MB21D2: variants seen among roughly 807,000 people sequenced by gnomAD.
The protein encoded by MB21D2 is nucleotidyltransferase MB21D2.
A neutral mutation model predicts 33.3 loss-of-function variants in MB21D2; 9 were observed. That is an observed-to-expected ratio of 0.27 (90% CI 0.16 to 0.47). The LOEUF is 0.47. MB21D2 is among the 20% of genes least tolerant of loss of function. The pLI, the probability that MB21D2 is intolerant of heterozygous loss-of-function variation, is 0.99. For synonymous variants in MB21D2, 241 were observed against 236.3 expected, an observed-to-expected ratio of 1.02 and a Z score of -0.18; for missense variants, 540 against 624.6, an observed-to-expected ratio of 0.86 and a Z score of 1.44.
chr3:192,803,681 G>A (rs1711599290), intron 1 of MB21D2, among the ~76,000 whole-genome samples: 2 of 152,184 alleles, frequency 1.3e-5, no homozygotes, highest in Non-Finnish European at 2.9e-5. Flanking sequence ...CCAAAACACA[G>A]GGCTGGAAGG....
At chr3:192,915,889 G>A (rs1714452822) in intron 1 of MB21D2, among the ~76,000 whole-genome samples, 2 of 152,044 alleles carry the variant, frequency 1.3e-5, no homozygotes, top group African/African-American at 4.8e-5. Flanking sequence ...ACCTACGCAA[G>A]TGACATCAGA....
At chr3:192,829,288 G>A (rs199621493) in intron 1 of MB21D2, among the ~76,000 whole-genome samples, 8 of 152,062 alleles carry the variant, frequency 5.3e-5, no homozygotes, top group South Asian at 2.1e-4. Context: ...TCCATTCACC[G>A]TTTTCTGGGT....
At chr3:192,842,951 C>A (rs932974429) in intron 1 of MB21D2, among the ~76,000 whole-genome samples, 1 of 152,196 alleles carries the variant, frequency 6.6e-6, no homozygotes, top group Non-Finnish European at 1.5e-5. Flanking sequence ...TCTTAAGAGA[C>A]TGGAGGTAAA....
At chr3:192,805,340 C>G (rs1379990963) in intron 1 of MB21D2, among the ~76,000 whole-genome samples, 1 of 152,130 alleles carries the variant, frequency 6.6e-6, no homozygotes, top group Non-Finnish European at 1.5e-5. Flanking sequence ...ATACAGAAGA[C>G]AAAAACGGAG....
At chr3:192,890,625 G>A (rs1713832348) in intron 1 of MB21D2, among the ~76,000 whole-genome samples, 1 of 151,642 alleles carries the variant, frequency 6.6e-6, no homozygotes, top group Admixed American at 6.6e-5. Context: ...GTTCACAGTT[G>A]GCATACCCTG....
chr3:192,862,378 G>A (rs1292632019), intron 1 of MB21D2, among the ~76,000 whole-genome samples: 1 of 152,186 alleles, frequency 6.6e-6, no homozygotes, highest in African/African-American at 2.4e-5. Context: ...CATTCGAATT[G>A]TAGAATAATA....
rs2108606266 is a variant in MB21D2, at chr3:192,797,214, AGCAATACCT to A, written c.*1163_*1171del. 1 of 152,772 alleles carries A rather than the reference AGCAATACCT, an allele frequency of 6.5e-6. No individual in the cohort carries two copies. The highest frequency in any genetic ancestry group is 2.1e-4 in the South Asian group (1 of 4,822). The allele number at this position is 152,772 out of a possible 1,614,324, so 9.5% of individuals were successfully genotyped here. Reference sequence around the variant, plus strand: ...AGATATTTCCTGGGTGCTGCTCTATAGCAATACCTGCTTTTGAACAGACGTGGTATCTTC... The same window carrying A: ...AGATATTTCCTGGGTGCTGCTCTATAGCTTTTGAACAGACGTGGTATCTTC... On this transcript the variant is annotated 3_prime_UTR_variant, in exon 2 of 2. Transcript: ENST00000392452.
Position 192,797,191 on chromosome 3 carries a change from A to G in MB21D2, c.*1195T>C, listed in dbSNP as rs888332052. The G allele has an allele frequency of 3.9e-5, 6 of 152,662 alleles. No individual in the cohort carries two copies. In the South Asian group the frequency reaches 1.0e-3, roughly 26 times the overall value. 9.5% of individuals were successfully genotyped at this position (152,662 alleles called of 1,614,324 possible). On this transcript the variant is annotated 3_prime_UTR_variant, in exon 2 of 2. Transcript: ENST00000392452. ...TCTATACCAAGGCTGCCACCCACAG[A>G]TATTTCCTGGGTGCTGCTCTATAGC... is the stretch of plus-strand genomic sequence containing the variant.
chr3:192,814,432 T>A (rs1711866002), intron 1 of MB21D2, among the ~76,000 whole-genome samples: 1 of 152,192 alleles, frequency 6.6e-6, no homozygotes, highest in Non-Finnish European at 1.5e-5. Flanking sequence ...TTGAAAATGT[T>A]CGGATCAAAA....
At chr3:192,807,075 T>C (rs1711680071) in intron 1 of MB21D2, among the ~76,000 whole-genome samples, 1 of 152,142 alleles carries the variant, frequency 6.6e-6, no homozygotes, top group Non-Finnish European at 1.5e-5. Flanking sequence ...GTGAACAGGG[T>C]TTGTTGGCAC....
rs140037261 is a variant in MB21D2, at chr3:192,882,063, C to T, written c.211+35567G>A. Reference sequence around the variant, plus strand: ...CTCTGAACTCCTTGAGGGCAAGGGTCGTCTGTCTCATTCAGTTATGTATGT... The same window carrying T: ...CTCTGAACTCCTTGAGGGCAAGGGTTGTCTGTCTCATTCAGTTATGTATGT... On this transcript the variant is annotated intron_variant, in intron 1 of 1. Transcript: ENST00000392452. Among the ~76,000 whole-genome samples the T allele has an allele frequency of 3.8e-3, 583 of 152,068 alleles. 3 individuals carry two copies. Among genetic ancestry groups the T allele is most frequent in the Non-Finnish European group, 6.3e-3 (430 of 68,024 alleles).
chr3:192,847,030 T>C (rs1183562195), intron 1 of MB21D2, among the ~76,000 whole-genome samples: 1 of 152,146 alleles, frequency 6.6e-6, no homozygotes, highest in Non-Finnish European at 1.5e-5. Context: ...GGGGGAAGAC[T>C]CATCACCATA....
chr3:192,822,055 G>T (rs1284504037), intron 1 of MB21D2, among the ~76,000 whole-genome samples: 2 of 152,094 alleles, frequency 1.3e-5, no homozygotes, highest in African/African-American at 4.8e-5. Context: ...GGAAATACGT[G>T]ATCTGATTCT....
chr3:192,844,734 C>T (rs1406290289), intron 1 of MB21D2, among the ~76,000 whole-genome samples: 1 of 152,210 alleles, frequency 6.6e-6, no homozygotes, highest in Non-Finnish European at 1.5e-5. Context: ...CCTTTCCCAT[C>T]AACCTGACCC....
chr3:192,843,193 C>T (rs1488876027), intron 1 of MB21D2, among the ~76,000 whole-genome samples: 1 of 152,134 alleles, frequency 6.6e-6, no homozygotes, highest in Non-Finnish European at 1.5e-5. Flanking sequence ...ATGATTCAAC[C>T]CTGGACAGGG....
intron 1 of MB21D2, among the ~76,000 whole-genome samples, chr3:192,882,748 C>T (rs6444671): frequency 0.97 from 145,707 of 149,886 alleles, 70,791 homozygotes; most frequent in East Asian, 1. Flanking sequence ...CTTTTTTTTT[C>T]TTTGAGACGG....
intron 1 of MB21D2, among the ~76,000 whole-genome samples, chr3:192,845,172 A>G (rs1712653819): frequency 6.6e-6 from 1 of 152,228 alleles, no homozygotes; most frequent in Non-Finnish European, 1.5e-5. Context: ...AAAGTAACAG[A>G]AGGATTATAG....
chr3:192,817,807 G>A (rs1711959463), intron 1 of MB21D2, among the ~76,000 whole-genome samples: 1 of 152,114 alleles, frequency 6.6e-6, no homozygotes, highest in Admixed American at 6.5e-5. Flanking sequence ...TTGAAGGATG[G>A]GCTCTAATCA....
chr3:192,798,644 G>A lies in MB21D2; in HGVS notation c.1218C>T (p.Asp406=). The A allele has an allele frequency of 6.2e-7, 1 of 1,613,706 alleles. No individual in the cohort carries two copies. The highest frequency in any genetic ancestry group is 8.5e-7 in the Non-Finnish European group (1 of 1,180,030). The stretch of plus-strand genomic sequence containing the variant: ...TGGCGGTGCGCAAGTGCTCTGCCGG[G>A]TCTGAGCGCACAGAGGACAGCTTCC... ...HARKLSSVRS[D]PAEHLRTAIE... Residue 406 remains aspartate, a synonymous_variant, in exon 2 of 2, where the codon GAC becomes GAT. Coordinates refer to ENST00000392452, the MANE Select transcript of MB21D2 (RefSeq NM_178496.4). This position sits in a 1 kb window ranked among gnomAD's most constrained non-coding sequence, Gnocchi z 4.8.
Sources: gnomAD v4.1 joint callset for allele counts (sites outside exome capture counted in the v4.1 genomes callset) on GRCh38, gnomAD v4.1.1 for gene constraint, Gnocchi (gnomAD v3.1) non-coding constraint, MANE v1.5 for transcripts, NCBI Gene and HGNC (gene_info 2026-07-23, HGNC 2026-07-21) for gene names.